Variants in CDH3 observed in about 807,000 individuals in gnomAD.
The protein encoded by CDH3 is cadherin-3.
A neutral mutation model predicts 82.0 loss-of-function variants in CDH3; 54 were observed. The observed-to-expected ratio is 0.66, with a 90% CI of 0.53 to 0.83. CDH3 has a LOEUF of 0.83. CDH3 is among the 40% of genes least tolerant of loss of function. CDH3 has a pLI of 0.00. For missense variants in CDH3, 1,054 were observed against 1,084.6 expected (o/e 0.97, Z 0.40); for synonymous variants, 446 against 437.9 (o/e 1.02, Z -0.23).
chr16:68,703,585 C>G (rs1337547322), downstream of CDH3, among the ~76,000 whole-genome samples: 2 of 152,236 alleles, frequency 1.3e-5, no homozygotes, highest in African/African-American at 2.4e-5. Context: ...AAGTTCAAAT[C>G]CCGGCACTTC....
intron 1 of CDH3, 82 bp from the exon 2 acceptor site, chr16:68,645,554 C>G (rs1960027787): frequency 6.9e-7 from 1 of 1,448,886 alleles, no homozygotes; most frequent in Non-Finnish European, 9.4e-7. Context: ...CCCGGAAGGC[C>G]CGTGAGGACC....
rs755167399 is a variant in CDH3 at position 68,700,289 on chromosome 16, A to G, written c.*1889A>G. 5 of 152,250 alleles carry G rather than the reference A, an allele frequency of 3.3e-5. No individual in the cohort carries two copies. The highest frequency in any genetic ancestry group is 5.9e-5 in the Non-Finnish European group (4 of 68,042). 9.4% of individuals were successfully genotyped at this position (152,250 alleles called of 1,614,324 possible). ...GATGTTGAAATAAACATTTCCTTCC[A>G]TGAGGATGACTAATTCTGTAAAGCG... On this transcript the variant is annotated 3_prime_UTR_variant, in exon 16 of 16. Coordinates refer to ENST00000264012, the MANE Select transcript of CDH3 (RefSeq NM_001793.6).
In CDH3 at chr16:68,698,620, C is replaced by T. The variant is rs1961821377; in HGVS notation, c.*220C>T. On this transcript the variant is annotated 3_prime_UTR_variant, in exon 16 of 16. Transcript: ENST00000264012. Reference sequence around the variant, plus strand: ...GACTTCAGCACTGAAAACCTCTCCACCTGGGCCAGGGTTGCCTCAGAGGCC... The same window carrying T: ...GACTTCAGCACTGAAAACCTCTCCATCTGGGCCAGGGTTGCCTCAGAGGCC... 1 of 582,266 alleles carries T rather than the reference C, an allele frequency of 1.7e-6. No homozygotes were observed. The highest frequency in any genetic ancestry group is 2.9e-5 in the East Asian group (1 of 34,844). 36.1% of individuals were successfully genotyped at this position (582,266 alleles called of 1,614,324 possible).
chr16:68,684,254 A>G (rs1195716786), intron 9 of CDH3, among the ~76,000 whole-genome samples: 3 of 152,190 alleles, frequency 2.0e-5, no homozygotes, highest in Non-Finnish European at 4.4e-5. Context: ...CAAGCAATCC[A>G]GCAGCCTTGG....
chr16:68,671,834 C>T (rs548300503), intron 2 of CDH3, among the ~76,000 whole-genome samples: 1 of 152,142 alleles, frequency 6.6e-6, no homozygotes, highest in African/African-American at 2.4e-5. Context: ...CTTCATTTTA[C>T]CTTAATTACC....
downstream of CDH3, among the ~76,000 whole-genome samples, chr16:68,728,553 C>T (rs1282005634): frequency 6.7e-6 from 1 of 149,692 alleles, no homozygotes; most frequent in African/African-American, 2.4e-5. Flanking sequence ...GCCTCAGCCT[C>T]CCAAAGTGAT....
intron 2 of CDH3, among the ~76,000 whole-genome samples, chr16:68,650,064 T>C (rs960109579): frequency 4.7e-5 from 7 of 149,412 alleles, no homozygotes; most frequent in Non-Finnish European, 8.9e-5. Flanking sequence ...AGGACCACAG[T>C]AGGGGGTAGT....
In CDH3 at chr16:68,684,911, T is replaced by C. The variant is rs531408401; in HGVS notation, c.1424+87T>C. 5 of 1,511,444 alleles carry C rather than the reference T, an allele frequency of 3.3e-6. No individual in the cohort carries two copies. In the African/African-American group the frequency reaches 4.1e-5, roughly 12 times the overall value. 93.6% of individuals were successfully genotyped at this position (1,511,444 alleles called of 1,614,324 possible). Reference sequence around the variant, plus strand: ...TGGCCAACGTTTGTTCTGATTACCATAGAGATTGTTAAATAGGAATATCCC... The same window carrying C: ...TGGCCAACGTTTGTTCTGATTACCACAGAGATTGTTAAATAGGAATATCCC... On this transcript the variant is annotated intron_variant, in intron 10 of 15. Transcript: ENST00000264012.
At chr16:68,689,365 C>G (rs938760240) in intron 12 of CDH3, among the ~76,000 whole-genome samples, 4 of 151,996 alleles carry the variant, frequency 2.6e-5, no homozygotes, top group African/African-American at 9.7e-5. Context: ...AACCCTGTCT[C>G]TACTAAAAAT....
chr16:68,686,359 A>G, intron 11 of CDH3: 1 of 1,056,310 alleles, frequency 9.5e-7, no homozygotes. Flanking sequence ...GCAGAGTACG[A>G]GTCTGAGGTG....
intron 2 of CDH3, among the ~76,000 whole-genome samples, chr16:68,663,942 A>G (rs1015910114): frequency 2.0e-5 from 3 of 149,778 alleles, no homozygotes; most frequent in African/African-American, 7.4e-5. Flanking sequence ...CTTTAGGTAT[A>G]TCTCCTAAAG....
At chr16:68,704,021 T>A (rs1374408420), downstream of CDH3, among the ~76,000 whole-genome samples, 1 of 151,724 alleles carries the variant, frequency 6.6e-6, no homozygotes, top group East Asian at 1.9e-4. Flanking sequence ...GCGCGGTGGC[T>A]CACGCTTGTA....
At chr16:68,658,065 T>TC (rs1286917001) in intron 2 of CDH3, among the ~76,000 whole-genome samples, 22 of 144,164 alleles carry the variant, frequency 1.5e-4, no homozygotes, top group South Asian at 1.3e-3. Flanking sequence ...TTTCTTTCTT[T>TC]TTTTTTTTTT....
chr16:68,718,881 T>C (rs1340847168), intron 1 of CDH3, among the ~76,000 whole-genome samples: 1 of 152,146 alleles, frequency 6.6e-6, no homozygotes, highest in Non-Finnish European at 1.5e-5. Context: ...CAAGTGCTCA[T>C]TAACTGGTAA....
At position 68,666,950 on chromosome 16, in the gene CDH3, GT is replaced by G. The variant is rs1445356593; in HGVS notation, c.161-9431del. On this transcript the variant is annotated intron_variant, in intron 2 of 15. Transcript: ENST00000264012. ...AGTCACGAACATCCTGGCAGGTATG[GT>G]TTTGTCACATCTGGGATGGTATCTT... is the stretch of plus-strand genomic sequence containing the variant. 3.3e-5 allele frequency among the ~76,000 whole-genome samples: 5 copies of G among 152,038 alleles called. No homozygotes were observed. In the East Asian group the frequency reaches 9.7e-4, roughly 29 times the overall value.
chr16:68,701,761 C>CA (rs1341565857), downstream of CDH3, among the ~76,000 whole-genome samples: 1 of 151,930 alleles, frequency 6.6e-6, no homozygotes, highest in Admixed American at 6.6e-5. Context: ...CGCGGTGACT[C>CA]ACGCCTGCAA....
intron 2 of CDH3, among the ~76,000 whole-genome samples, chr16:68,672,071 A>T (rs993474890): frequency 2.0e-5 from 3 of 152,024 alleles, no homozygotes; most frequent in Non-Finnish European, 4.4e-5. Context: ...GGGCGCCTGT[A>T]GTCCCAGCTA....
At chr16:68,696,502 G>C (rs1167202964) in intron 15 of CDH3, 2 of 184,862 alleles carry the variant, frequency 1.1e-5, no homozygotes, top group Non-Finnish European at 2.3e-5. Context: ...AAGGTGGGCA[G>C]ATCACTTGAC....
downstream of CDH3, among the ~76,000 whole-genome samples, chr16:68,728,084 C>T (rs1325029816): frequency 2.0e-5 from 3 of 152,202 alleles, no homozygotes; most frequent in African/African-American, 7.2e-5. Flanking sequence ...AAGCCTGATA[C>T]ATAATTGGCT....
Sources: gnomAD v4.1 joint callset for allele counts (sites outside exome capture counted in the v4.1 genomes callset) on GRCh38, gnomAD v4.1.1 for gene constraint, MANE v1.5 for transcripts, NCBI Gene and HGNC (gene_info 2026-07-23, HGNC 2026-07-21) for gene names.